DIAPH1: variants seen among roughly 807,000 people sequenced by gnomAD.
The protein encoded by DIAPH1 is diaphanous related formin 1.
DIAPH1 carries 46 observed loss-of-function variants against 140.7 expected under a neutral mutation model. The ratio of observed to expected loss-of-function variants is 0.33; its 90% confidence interval spans 0.26 to 0.42. The LOEUF is 0.42. Ranked by LOEUF, DIAPH1 falls within the 10% of genes least tolerant of loss-of-function variation. DIAPH1 has a pLI of 1.00. For synonymous variants in DIAPH1, 565 were observed against 551.6 expected, an observed-to-expected ratio of 1.02 and a Z score of -0.34; for missense variants, 1,310 against 1,558.7, an observed-to-expected ratio of 0.84 and a Z score of 2.69.
At chr5:141,575,263 C>G in intron 14 of DIAPH1, 117 bp from the exon 15 acceptor site, 1 of 987,496 alleles carries the variant, frequency 1.0e-6, no homozygotes, top group Non-Finnish European at 1.6e-6. Context: ...GGAATCCCCC[C>G]ACTGCCTCCT....
intron 18 of DIAPH1, among the ~76,000 whole-genome samples, chr5:141,562,076 A>T (rs2099893627): frequency 6.6e-6 from 1 of 152,228 alleles, no homozygotes; most frequent in African/African-American, 2.4e-5. Context: ...GCTCTAGCAT[A>T]AGTTGCCATA....
intron 6 of DIAPH1, 58 bp downstream of exon 6, chr5:141,583,148 A>G (rs2154596584): frequency 6.9e-7 from 1 of 1,446,086 alleles, no homozygotes; most frequent in Non-Finnish European, 9.7e-7. Flanking sequence ...TTCAGAGCAA[A>G]TAGCCAAGTC....
At chr5:141,543,738 AC>A (rs2099890355) in intron 18 of DIAPH1, among the ~76,000 whole-genome samples, 1 of 152,214 alleles carries the variant, frequency 6.6e-6, no homozygotes, top group African/African-American at 2.4e-5. Context: ...TTTTCGACTC[AC>A]AATGGCTTTC....
At chr5:141,528,390 G>A in intron 23 of DIAPH1, 63 bp downstream of exon 23, 2 of 1,609,130 alleles carry the variant, frequency 1.2e-6, no homozygotes, top group South Asian at 2.2e-5. Flanking sequence ...CATCTAGACT[G>A]TGTCTTATTT....
At chr5:141,571,110 G>T (rs1184874149) in intron 18 of DIAPH1, among the ~76,000 whole-genome samples, 2 of 152,160 alleles carry the variant, frequency 1.3e-5, no homozygotes, top group South Asian at 2.1e-4. Flanking sequence ...GGTCATATAT[G>T]TTAAGGCACT....
At chr5:141,593,334 A>G (rs2154596886) in intron 1 of DIAPH1, among the ~76,000 whole-genome samples, 1 of 152,326 alleles carries the variant, frequency 6.6e-6, no homozygotes, top group Non-Finnish European at 1.5e-5. Context: ...TGTTCTCAGA[A>G]GAGGGTAAAA....
intron 19 of DIAPH1, among the ~76,000 whole-genome samples, chr5:141,531,634 T>C (rs1466872744): frequency 1.3e-5 from 2 of 152,096 alleles, no homozygotes; most frequent in African/African-American, 4.8e-5. Flanking sequence ...ATTATAGGCG[T>C]GCTCCACCAT....
Position 141,528,908 on chromosome 5 carries a change from T to A in DIAPH1, c.2812A>T (p.Asn938Tyr). 6.2e-7 allele frequency: 1 copy of A among 1,614,104 alleles called. No individual in the cohort carries two copies. The highest frequency in any genetic ancestry group is 8.5e-7 in the Non-Finnish European group (1 of 1,180,042). ...AATTGTAGCTTGAAGAGAATGGCAT[T>A]GAGGCGAGGCCGCAGTCGGGGCACA... ...GTVPRLRPRL[N>Y]AILFKLQFSE... is the part of the protein sequence containing the mutation. The change falls in exon 22 of 28, where the codon AAT (asparagine) becomes TAT (tyrosine). Residue 938 changes from asparagine (N) to tyrosine (Y), a missense_variant. This residue lies in a region of DIAPH1 where 344 missense variants were observed against 512.2 expected (regional missense o/e 0.67). Transcript: ENST00000389054.
At chr5:141,606,912 G>C (rs1222116828) in intron 1 of DIAPH1, among the ~76,000 whole-genome samples, 1 of 143,084 alleles carries the variant, frequency 7.0e-6, no homozygotes, top group African/African-American at 2.6e-5. Context: ...TCCTATATTA[G>C]ATCACAGAAA....
intron 26 of DIAPH1, among the ~76,000 whole-genome samples, chr5:141,525,351 C>T (rs2099887166): frequency 6.6e-6 from 1 of 151,992 alleles, no homozygotes. Context: ...GCTGTGTGAG[C>T]AGTGTATGCT....
intron 19 of DIAPH1, among the ~76,000 whole-genome samples, chr5:141,531,953 C>G (rs988901343): frequency 6.6e-6 from 1 of 152,046 alleles, no homozygotes; most frequent in Non-Finnish European, 1.5e-5. Flanking sequence ...AGCAGCCTTC[C>G]TAAAAATTAC....
intron 1 of DIAPH1, among the ~76,000 whole-genome samples, chr5:141,602,299 C>T (rs1017639410): frequency 3.9e-5 from 6 of 152,290 alleles, no homozygotes; most frequent in African/African-American, 1.4e-4. Flanking sequence ...TCACTGCAAG[C>T]TACGCCCCTG....
At chr5:141,590,047 A>C (rs2099898166) in intron 1 of DIAPH1, among the ~76,000 whole-genome samples, 1 of 152,006 alleles carries the variant, frequency 6.6e-6, no homozygotes, top group Admixed American at 6.6e-5. Context: ...CACCGTACCC[A>C]GTTGGTAAAT....
intron 27 of DIAPH1, chr5:141,518,912 A>C (rs1288691686): frequency 1.3e-6 from 2 of 1,548,514 alleles, no homozygotes; most frequent in South Asian, 1.2e-5. Context: ...CCATAGATCA[A>C]GCAGGGAACA....
At chr5:141,575,375 G>A (rs1196686444) in intron 14 of DIAPH1, among the ~76,000 whole-genome samples, 1 of 152,204 alleles carries the variant, frequency 6.6e-6, no homozygotes, top group African/African-American at 2.4e-5. Flanking sequence ...TTGGCTGGGC[G>A]GAGTGGCTCA....
chr5:141,595,277 T>C (rs955502630), intron 1 of DIAPH1, among the ~76,000 whole-genome samples: 3 of 152,196 alleles, frequency 2.0e-5, no homozygotes, highest in African/African-American at 7.2e-5. Flanking sequence ...ATTCATGGAT[T>C]GTACAACACT....
At chr5:141,590,818 T>C (rs900519468) in intron 1 of DIAPH1, among the ~76,000 whole-genome samples, 1 of 151,844 alleles carries the variant, frequency 6.6e-6, no homozygotes, top group South Asian at 2.1e-4. Context: ...CTCTCTTCCA[T>C]CCATGTCTAC....
At chr5:141,587,290 G>A in intron 2 of DIAPH1, 93 bp from the exon 3 acceptor site, 2 of 1,309,718 alleles carry the variant, frequency 1.5e-6, no homozygotes, top group South Asian at 2.5e-5. Flanking sequence ...CTCTTACACA[G>A]GCATGGTTCC....
At chr5:141,607,125 C>A (rs571455629) in intron 1 of DIAPH1, among the ~76,000 whole-genome samples, 65 of 152,216 alleles carry the variant, frequency 4.3e-4, no homozygotes, top group Middle Eastern at 6.8e-3. Flanking sequence ...GGAGATAAGA[C>A]CCCAAAATAA....
Sources: allele counts gnomAD v4.1 joint callset (sites outside exome capture counted in the v4.1 genomes callset), GRCh38; gene constraint gnomAD v4.1.1; regional missense constraint gnomAD v4.1.1; transcripts MANE v1.5; gene names NCBI Gene and HGNC (gene_info 2026-07-23, HGNC 2026-07-21).